Variants in GRIK3 observed in about 807,000 individuals in gnomAD.
GRIK3 encodes the protein glutamate ionotropic receptor kainate type subunit 3.
Under a neutral mutation model 102.5 loss-of-function variants are expected in GRIK3, and 29 were observed. The ratio of observed to expected loss-of-function variants is 0.28; its 90% confidence interval spans 0.21 to 0.39. The LOEUF is 0.39. Ranked by LOEUF, GRIK3 falls within the 10% of genes least tolerant of loss-of-function variation. The pLI, the probability that GRIK3 is intolerant of heterozygous loss-of-function variation, is 1.00. For missense variants in GRIK3, 908 were observed against 1,252.4 expected (o/e 0.73, Z 4.15); for synonymous variants, 511 against 504.9 (o/e 1.01, Z -0.16).
At chr1:36,995,120 T>G (rs755315722) in intron 1 of GRIK3, among the ~76,000 whole-genome samples, 6 of 152,228 alleles carry the variant, frequency 3.9e-5, no homozygotes, top group Non-Finnish European at 7.3e-5. Flanking sequence ...CAGAGCCATC[T>G]AGATCCTTGC....
chr1:36,859,348 T>A (rs1349908333), intron 6 of GRIK3, 97 bp from the exon 7 acceptor site: 1 of 1,339,446 alleles, frequency 7.5e-7, no homozygotes, highest in Non-Finnish European at 1.0e-6. Flanking sequence ...CACAGGTACA[T>A]GATGTCCTGG....
chr1:36,978,818 G>A (rs1435594106), intron 1 of GRIK3, among the ~76,000 whole-genome samples: 1 of 152,198 alleles, frequency 6.6e-6, no homozygotes, highest in Non-Finnish European at 1.5e-5. Flanking sequence ...GAACTGGCAC[G>A]ATGTCCCTCC....
chr1:36,816,766 C>T (rs116090814), intron 13 of GRIK3, among the ~76,000 whole-genome samples: 8,112 of 152,250 alleles, frequency 0.053, 285 homozygotes, highest in Non-Finnish European at 0.078. Context: ...CCCACTTCTC[C>T]AGGCCCCTCT....
At position 36,859,125 on chromosome 1, in the gene GRIK3, T is replaced by C. The variant is rs1156370353; in HGVS notation, c.1087A>G (p.Met363Val). Residue 363 changes from methionine to valine, a missense_variant, in exon 7 of 16, where the codon ATG becomes GTG. By Grantham distance (21) the Met-to-Val change is conservative. Coordinates refer to ENST00000373091, the MANE Select transcript of GRIK3 (RefSeq NM_000831.4). ...GCACTCACCTCCTTGATGAAGTTCA[T>C]GAAGCGGCCGCCAAAGCGCCAGGCC... is the stretch of plus-strand genomic sequence containing the variant. ...HKAWRFGGRF[M>V]NFIKEAQWEG... 6.2e-7 allele frequency: 1 copy of C among 1,611,040 alleles called. No individual in the cohort carries two copies. Among genetic ancestry groups the C allele is most frequent in the Non-Finnish European group, 8.5e-7 (1 of 1,177,844 alleles).
At chr1:37,030,942 T>A (rs1182556012) in intron 1 of GRIK3, among the ~76,000 whole-genome samples, 4 of 152,098 alleles carry the variant, frequency 2.6e-5, no homozygotes, top group Non-Finnish European at 5.9e-5. Context: ...TGGTGGCAGA[T>A]GCAGCAGAAA....
At chr1:36,967,101 G>T (rs539367005) in intron 1 of GRIK3, among the ~76,000 whole-genome samples, 1 of 152,280 alleles carries the variant, frequency 6.6e-6, no homozygotes, top group South Asian at 2.1e-4. Context: ...GCAAAAGGAG[G>T]GGCTAAAATT....
intron 1 of GRIK3, among the ~76,000 whole-genome samples, chr1:36,928,300 A>G (rs478273): frequency 0.073 from 11,150 of 152,290 alleles, 494 homozygotes; most frequent in Middle Eastern, 0.15. Flanking sequence ...AGGAACTCCT[A>G]TAGCTGTGCT....
chr1:37,002,189 C>T (rs1196875853), intron 1 of GRIK3, among the ~76,000 whole-genome samples: 2 of 152,108 alleles, frequency 1.3e-5, no homozygotes, highest in South Asian at 2.1e-4. Context: ...GTATGATTTA[C>T]AAAATACATA....
chr1:37,031,774 G>A (rs1242759288), intron 1 of GRIK3, among the ~76,000 whole-genome samples: 2 of 152,236 alleles, frequency 1.3e-5, no homozygotes, highest in African/African-American at 4.8e-5. Flanking sequence ...ATTTTAGCAT[G>A]AGATTCTCTC....
intron 1 of GRIK3, among the ~76,000 whole-genome samples, chr1:36,951,785 C>T (rs114103165): frequency 5.4e-5 from 8 of 149,402 alleles, no homozygotes; most frequent in Admixed American, 1.3e-4. Context: ...CTGAGGAAGA[C>T]GAGGAGGAGG....
chr1:36,828,575 T>C (rs1014333346), intron 10 of GRIK3, among the ~76,000 whole-genome samples: 1 of 152,184 alleles, frequency 6.6e-6, no homozygotes, highest in Non-Finnish European at 1.5e-5. Context: ...TGTGGAAGTA[T>C]AGCCTATGAT....
intron 1 of GRIK3, among the ~76,000 whole-genome samples, chr1:36,996,447 T>A (rs1023330686): frequency 1.3e-5 from 2 of 152,122 alleles, no homozygotes; most frequent in Non-Finnish European, 2.9e-5. Context: ...CAAATGGCAT[T>A]CCCAAGACCT....
intron 9 of GRIK3, among the ~76,000 whole-genome samples, chr1:36,842,917 C>T (rs373390832): frequency 2.0e-3 from 309 of 152,248 alleles, no homozygotes; most frequent in African/African-American, 7.2e-3. Context: ...GGTGCTCCTC[C>T]CTCAGGGGCA....
Position 36,959,453 on chromosome 1 carries a change from C to A in GRIK3, c.116-68357G>T, listed in dbSNP as rs146644800. ...GAGTCTGTGCCCCGTGACTCTGTGC[C>A]CCATGAGCCTGTGTGGCCCCTGACT... is the stretch of plus-strand genomic sequence containing the variant. On this transcript the variant is annotated intron_variant, in intron 1 of 15. Transcript: ENST00000373091. 6.7e-4 allele frequency among the ~76,000 whole-genome samples: 86 copies of A among 128,458 alleles called. 6 individuals carry two copies. Among genetic ancestry groups the A allele is most frequent in the African/African-American group, 2.1e-3 (78 of 36,692 alleles). The allele number at this position is 128,458 out of a possible 152,430, so 84.3% of individuals were successfully genotyped here.
chr1:37,005,688 A>G (rs1642524001), intron 1 of GRIK3, among the ~76,000 whole-genome samples: 1 of 152,248 alleles, frequency 6.6e-6, no homozygotes, highest in South Asian at 2.1e-4. Flanking sequence ...AGATCATGGC[A>G]TCGTTTGTTC....
rs1489697657 is a variant in GRIK3 at position 36,800,399 on chromosome 1, A to G, written c.*1452T>C. ...TGTCTCATTCTTTTCCAAGACTCTT[A>G]AAGTCACAGACCTCTAGAGCATTCA... On this transcript the variant is annotated 3_prime_UTR_variant, in exon 16 of 16. Transcript: ENST00000373091. 1 of 152,310 alleles carries G rather than the reference A, an allele frequency of 6.6e-6. No homozygotes were observed. The highest frequency in any genetic ancestry group is 1.5e-5 in the Non-Finnish European group (1 of 68,028). The allele number at this position is 152,310 out of a possible 1,614,324, so 9.4% of individuals were successfully genotyped here. A position where few individuals can be genotyped will look rare whatever the true frequency, so the allele number is the denominator to read the frequency against.
chr1:36,799,018 A>C lies in GRIK3; in HGVS notation c.*2833T>G, dbSNP rs901864955. 6.6e-6 allele frequency: 1 copy of C among 152,276 alleles called. No individual in the cohort carries two copies. The highest frequency in any genetic ancestry group is 1.5e-5 in the Non-Finnish European group (1 of 68,046). The allele number at this position is 152,276 out of a possible 1,614,324, so 9.4% of individuals were successfully genotyped here. A position where few individuals can be genotyped will look rare whatever the true frequency, so the allele number is the denominator to read the frequency against. ...CACAACACATGTGTGAGACAAGAGC[A>C]AGAATGAGGCACGTGCTCTGAAACT... On this transcript the variant is annotated 3_prime_UTR_variant, in exon 16 of 16. Coordinates refer to ENST00000373091, the MANE Select transcript of GRIK3 (RefSeq NM_000831.4).
At chr1:36,905,563 T>A (rs1158792124) in intron 1 of GRIK3, among the ~76,000 whole-genome samples, 2 of 151,702 alleles carry the variant, frequency 1.3e-5, no homozygotes, top group East Asian at 1.9e-4. Context: ...ATTTTCATCC[T>A]CTCCCTGCTC....
chr1:36,943,591 G>A (rs1000840730), intron 1 of GRIK3, among the ~76,000 whole-genome samples: 2 of 152,190 alleles, frequency 1.3e-5, no homozygotes, highest in African/African-American at 4.8e-5. Flanking sequence ...CCTAGTCCTG[G>A]ACCTGGAGAT....
Sources: gnomAD v4.1 joint callset for allele counts (sites outside exome capture counted in the v4.1 genomes callset) on GRCh38, gnomAD v4.1.1 for gene constraint, MANE v1.5 for transcripts, NCBI Gene and HGNC (gene_info 2026-07-23, HGNC 2026-07-21) for gene names.